Variants in CADM2 observed in about 807,000 individuals in gnomAD.
CADM2 encodes the protein immunoglobulin superfamily member 4D.
A neutral mutation model predicts 49.8 loss-of-function variants in CADM2; 12 were observed. The observed-to-expected ratio is 0.24, with a 90% CI of 0.15 to 0.39. The LOEUF (loss-of-function observed/expected upper bound fraction) is 0.39. Ranked by LOEUF, CADM2 falls within the 10% of genes least tolerant of loss-of-function variation. The pLI, the probability that CADM2 is intolerant of heterozygous loss-of-function variation, is 1.00. For synonymous variants in CADM2, 214 were observed against 175.4 expected, an observed-to-expected ratio of 1.22 and a Z score of -1.74; for missense variants, 378 against 492.3, an observed-to-expected ratio of 0.77 and a Z score of 2.20.
At chr3:85,995,173 T>C (rs1279920890) in intron 8 of CADM2, among the ~76,000 whole-genome samples, 1 of 152,132 alleles carries the variant, frequency 6.6e-6, no homozygotes, top group Non-Finnish European at 1.5e-5. Flanking sequence ...GTACTTTGCC[T>C]CTTTACTTAA....
rs1012055564 is a variant in CADM2 at position 84,959,377 on chromosome 3, G to C, written c.-231G>C. On this transcript the variant is annotated 5_prime_UTR_variant, in exon 1 of 10. Coordinates refer to ENST00000383699, the MANE Select transcript of CADM2 (RefSeq NM_001167675.2). ...GCTGTCGCGGCTGCACCACCAGCAG[G>C]AGGAGGAGGAGAAGAAACTATTTCG... is the stretch of plus-strand genomic sequence containing the variant. 13 of 540,114 alleles carry C rather than the reference G, an allele frequency of 2.4e-5. No homozygotes were observed. Among genetic ancestry groups the C allele is most frequent in the Non-Finnish European group, 4.0e-5 (12 of 303,054 alleles). The allele number at this position is 540,114 out of a possible 1,614,324, so 33.5% of individuals were successfully genotyped here.
At chr3:85,041,546 T>C (rs2035442669) in intron 1 of CADM2, among the ~76,000 whole-genome samples, 1 of 152,182 alleles carries the variant, frequency 6.6e-6, no homozygotes, top group Non-Finnish European at 1.5e-5. Flanking sequence ...TCCACCTTTA[T>C]ATGTAGTGCA....
chr3:85,960,679 A>T (rs1398895870), intron 7 of CADM2, among the ~76,000 whole-genome samples: 2 of 151,896 alleles, frequency 1.3e-5, no homozygotes, highest in African/African-American at 4.8e-5. Context: ...GAAGACTGAA[A>T]TTTTTGAAGA....
chr3:85,753,576 G>A lies in CADM2; in HGVS notation c.88+27028G>A, dbSNP rs376752951. On this transcript the variant is annotated intron_variant, in intron 2 of 9. Coordinates refer to ENST00000383699, the MANE Select transcript of CADM2 (RefSeq NM_001167675.2). Reference sequence around the variant, plus strand: ...ACCTGTTGGCATCACATAAGAAGTCGGTCTACTTCTAGTCTACCTTCTCAA... The same window carrying A: ...ACCTGTTGGCATCACATAAGAAGTCAGTCTACTTCTAGTCTACCTTCTCAA... Among the ~76,000 whole-genome samples the A allele has an allele frequency of 5.3e-5, 8 of 152,150 alleles. No homozygotes were observed. The East Asian group carries it at 1.4e-3, about 26-fold the overall frequency.
intron 8 of CADM2, among the ~76,000 whole-genome samples, chr3:86,041,331 A>C (rs1334224679): frequency 1.3e-5 from 2 of 152,200 alleles, no homozygotes; most frequent in Non-Finnish European, 2.9e-5. Context: ...TGTATTCAGG[A>C]AACCCATCTC....
chr3:86,062,989 A>C (rs888762890), intron 8 of CADM2, among the ~76,000 whole-genome samples: 1 of 152,128 alleles, frequency 6.6e-6, no homozygotes, highest in Non-Finnish European at 1.5e-5. Context: ...CAACTGTAAC[A>C]GAGACTGGAA....
intron 3 of CADM2, among the ~76,000 whole-genome samples, chr3:85,867,678 G>A (rs998543221): frequency 6.6e-6 from 1 of 151,716 alleles, no homozygotes; most frequent in African/African-American, 2.4e-5. Flanking sequence ...AGCATTTAGT[G>A]CTACAAGAAG....
At chr3:85,982,953 G>T (rs953260302) in intron 8 of CADM2, among the ~76,000 whole-genome samples, 2 of 151,300 alleles carry the variant, frequency 1.3e-5, no homozygotes, top group Non-Finnish European at 3.0e-5. Flanking sequence ...ATTTTATTAG[G>T]TTTAAATTGT....
At chr3:85,358,955 T>C (rs1266831359) in intron 1 of CADM2, among the ~76,000 whole-genome samples, 1 of 152,176 alleles carries the variant, frequency 6.6e-6, no homozygotes, top group Non-Finnish European at 1.5e-5. Context: ...CACTTGGTCA[T>C]TTCTGAAACA....
rs897493175 is a variant in CADM2, at chr3:85,007,519, A to C, written c.61+47851A>C. 5.3e-4 allele frequency among the ~76,000 whole-genome samples: 80 copies of C among 152,208 alleles called. 2 individuals are homozygous for C. The highest frequency in any genetic ancestry group is 2.1e-4 in the Non-Finnish European group (14 of 68,032). Reference sequence around the variant, plus strand: ...ATAAAGGCATACAAAGAAATTATTAAATTTAATTGTGATAGTAATAAAGTA... The same window carrying C: ...ATAAAGGCATACAAAGAAATTATTACATTTAATTGTGATAGTAATAAAGTA... On this transcript the variant is annotated intron_variant, in intron 1 of 9. Coordinates refer to ENST00000383699, the MANE Select transcript of CADM2 (RefSeq NM_001167675.2).
intron 1 of CADM2, among the ~76,000 whole-genome samples, chr3:85,200,106 T>C (rs371457452): frequency 6.6e-6 from 1 of 152,082 alleles, no homozygotes; most frequent in South Asian, 2.1e-4. Flanking sequence ...TGGAGTCTTA[T>C]CTTATGTGAA....
chr3:85,994,537 C>G (rs1217302227), intron 8 of CADM2: 2 of 152,242 alleles, frequency 1.3e-5, no homozygotes, highest in Non-Finnish European at 2.9e-5. Flanking sequence ...TTGACTGGCA[C>G]AAGACGTGTA....
At chr3:85,024,698 C>T (rs1217122570) in intron 1 of CADM2, among the ~76,000 whole-genome samples, 9 of 149,590 alleles carry the variant, frequency 6.0e-5, no homozygotes, top group Admixed American at 4.7e-4. Flanking sequence ...TATATGTAGT[C>T]GTCACTGAAA....
At chr3:85,831,548 A>C in intron 3 of CADM2, among the ~76,000 whole-genome samples, 1 of 151,988 alleles carries the variant, frequency 6.6e-6, no homozygotes, top group East Asian at 1.9e-4. Context: ...ATGATATCTC[A>C]TTGTGGCTTT....
chr3:85,732,119 C>T (rs1180110828), intron 2 of CADM2, among the ~76,000 whole-genome samples: 1 of 116,006 alleles, frequency 8.6e-6, no homozygotes, highest in Non-Finnish European at 1.8e-5. Context: ...AAAAAAATTG[C>T]TGAGCGTGGC....
intron 1 of CADM2, among the ~76,000 whole-genome samples, chr3:85,488,971 C>A (rs1483040274): frequency 3.9e-5 from 6 of 152,204 alleles, no homozygotes; most frequent in Non-Finnish European, 5.9e-5. Context: ...TGCATCACTA[C>A]TAAAATTATT....
At chr3:86,003,358 C>CT (rs900293432) in intron 8 of CADM2, among the ~76,000 whole-genome samples, 6 of 152,058 alleles carry the variant, frequency 3.9e-5, no homozygotes, top group African/African-American at 1.2e-4. Context: ...GTAATAAATC[C>CT]TTTTTTCTCT....
intron 8 of CADM2, among the ~76,000 whole-genome samples, chr3:86,036,252 C>T (rs1735142979): frequency 6.6e-6 from 1 of 152,124 alleles, no homozygotes; most frequent in African/African-American, 2.4e-5. Context: ...ATATACTTTG[C>T]ATCCTTACTT....
rs142928056 is a variant in CADM2, at chr3:85,181,206, A to G, written c.61+221538A>G. Among the ~76,000 whole-genome samples, 5 of 152,240 alleles carry G rather than the reference A, an allele frequency of 3.3e-5. No individual in the cohort carries two copies. The East Asian group carries it at 9.6e-4, about 29-fold the overall frequency. Reference sequence around the variant, plus strand: ...ATAAGCATGGCATATGCACATACAAATCAACCTATTTGACAGTTGTGATGT... The same window carrying G: ...ATAAGCATGGCATATGCACATACAAGTCAACCTATTTGACAGTTGTGATGT... On this transcript the variant is annotated intron_variant, in intron 1 of 9. Transcript: ENST00000383699.
Sources: gnomAD v4.1 joint callset for allele counts (sites outside exome capture counted in the v4.1 genomes callset) on GRCh38, gnomAD v4.1.1 for gene constraint, MANE v1.5 for transcripts, NCBI Gene and HGNC (gene_info 2026-07-23, HGNC 2026-07-21) for gene names.